Variants in PPM1H observed in about 807,000 individuals in gnomAD.
PPM1H encodes the protein protein phosphatase, Mg2+/Mn2+ dependent 1H, also known as protein phosphatase 1H.
A neutral mutation model predicts 54.9 loss-of-function variants in PPM1H; 27 were observed. The observed-to-expected ratio is 0.49, with a 90% CI of 0.36 to 0.68. The LOEUF (loss-of-function observed/expected upper bound fraction) is 0.68. Among genes scored for constraint, PPM1H ranks in the 30% least tolerant of loss-of-function variants. The probability of loss-of-function intolerance (pLI) is 0.00; values close to 1 mark genes in which losing one functional copy is unlikely to be tolerated. For missense variants in PPM1H, 596 were observed against 667.8 expected (o/e 0.89, Z 1.19); for synonymous variants, 305 against 270.8 (o/e 1.13, Z -1.24).
chr12:62,727,423 A>G (rs2076295914), intron 5 of PPM1H, among the ~76,000 whole-genome samples: 1 of 152,112 alleles, frequency 6.6e-6, no homozygotes, highest in Non-Finnish European at 1.5e-5. Flanking sequence ...TATAAAAACC[A>G]TCTTGGACCC....
At chr12:62,663,526 C>T (rs1336051533) in intron 9 of PPM1H, among the ~76,000 whole-genome samples, 1 of 152,038 alleles carries the variant, frequency 6.6e-6, no homozygotes, top group African/African-American at 2.4e-5. Context: ...GCTGCTGATG[C>T]CATGTAGCTC....
chr12:62,726,684 G>A (rs985507442), intron 5 of PPM1H, among the ~76,000 whole-genome samples: 2 of 152,178 alleles, frequency 1.3e-5, no homozygotes, highest in African/African-American at 4.8e-5. Context: ...ACGCAGAGTG[G>A]CCAAACAACT....
chr12:62,839,884 A>AACAAACAAAAAAC (rs1555200472), intron 1 of PPM1H, among the ~76,000 whole-genome samples: 2 of 150,170 alleles, frequency 1.3e-5, no homozygotes, highest in African/African-American at 5.0e-5. Flanking sequence ...CAAAAAAAAA[A>AACAAACAAAAAAC]AAAAAACACC....
chr12:62,923,637 G>A (rs888585927), intron 1 of PPM1H, among the ~76,000 whole-genome samples: 4 of 152,170 alleles, frequency 2.6e-5, no homozygotes, highest in Admixed American at 1.3e-4. Flanking sequence ...CCTGACCTCA[G>A]GTGATTCGCC....
Position 62,934,559 on chromosome 12 carries a change from G to A in PPM1H, c.178C>T (p.His60Tyr). The A allele has an allele frequency of 6.4e-7, 1 of 1,553,708 alleles. No homozygotes were observed. Among genetic ancestry groups the A allele is most frequent in the Admixed American group, 1.9e-5 (1 of 51,298 alleles). The change falls in exon 1 of 10, where the codon CAC becomes TAC. Residue 60 changes from histidine to tyrosine, a missense_variant. Around this residue, in one of 3 missense-constraint regions of PPM1H, gnomAD observed 382 missense variants for 387.1 expected, o/e 0.99. Coordinates refer to ENST00000228705, the MANE Select transcript of PPM1H (RefSeq NM_020700.2). The surrounding 1 kb of genome is among the most constrained non-coding windows in gnomAD (Gnocchi z 4.2). ...SQDEVECSAD[H>Y]IARPILILKE... ...AGGATGAGGATGGGGCGGGCGATGT[G>A]GTCGGCGCTGCACTCCACCTCGTCC...
chr12:62,656,864 G>A (rs2075847213), intron 9 of PPM1H, among the ~76,000 whole-genome samples: 1 of 152,020 alleles, frequency 6.6e-6, no homozygotes, highest in Non-Finnish European at 1.5e-5. Context: ...GAGGGTCAGG[G>A]GTGGCTTAGA....
chr12:62,877,730 T>C (rs1565817191), intron 1 of PPM1H, among the ~76,000 whole-genome samples: 1 of 152,180 alleles, frequency 6.6e-6, no homozygotes, highest in Non-Finnish European at 1.5e-5. Context: ...GGTGAATGAA[T>C]GATTCACATC....
At chr12:62,871,293 A>G (rs1358866749) in intron 1 of PPM1H, among the ~76,000 whole-genome samples, 2 of 151,978 alleles carry the variant, frequency 1.3e-5, no homozygotes, top group African/African-American at 2.4e-5. Context: ...GACAAAAAAA[A>G]CGATGTTATA....
At chr12:62,671,326 G>A (rs935308875) in intron 8 of PPM1H, among the ~76,000 whole-genome samples, 2 of 151,974 alleles carry the variant, frequency 1.3e-5, no homozygotes, top group Admixed American at 6.6e-5. Flanking sequence ...GCTCCTTCCC[G>A]GGTTCCCATC....
At chr12:62,775,939 A>T (rs1335512686) in intron 4 of PPM1H, among the ~76,000 whole-genome samples, 1 of 152,214 alleles carries the variant, frequency 6.6e-6, no homozygotes, top group Non-Finnish European at 1.5e-5. Flanking sequence ...ACAGTTCCAC[A>T]TGGCTGGGGA....
At chr12:62,675,661 T>C (rs772097528) in intron 8 of PPM1H, among the ~76,000 whole-genome samples, 1 of 152,210 alleles carries the variant, frequency 6.6e-6, no homozygotes, top group Non-Finnish European at 1.5e-5. Context: ...TAATTATTAA[T>C]AGTGTCCCCT....
At chr12:62,900,113 T>C (rs1339703053) in intron 1 of PPM1H, among the ~76,000 whole-genome samples, 2 of 152,216 alleles carry the variant, frequency 1.3e-5, no homozygotes, top group Non-Finnish European at 2.9e-5. Flanking sequence ...GATATTTTGT[T>C]ATACCAGCTC....
chr12:62,693,246 G>A (rs1269687233), intron 7 of PPM1H, among the ~76,000 whole-genome samples: 1 of 152,172 alleles, frequency 6.6e-6, no homozygotes. Context: ...GACCACTTTA[G>A]GATCCACAGC....
chr12:62,851,820 T>C (rs1869198623), intron 1 of PPM1H, among the ~76,000 whole-genome samples: 7 of 152,198 alleles, frequency 4.6e-5, no homozygotes, highest in Non-Finnish European at 2.9e-5. Context: ...CTGACCTATC[T>C]TGCTGAGAAA....
intron 2 of PPM1H, among the ~76,000 whole-genome samples, chr12:62,813,331 A>C (rs1287446115): frequency 6.6e-6 from 1 of 152,222 alleles, no homozygotes; most frequent in Non-Finnish European, 1.5e-5. Flanking sequence ...CACACGAAGC[A>C]CATGAATGTG....
intron 4 of PPM1H, among the ~76,000 whole-genome samples, chr12:62,757,378 C>T (rs1205369910): frequency 1.3e-5 from 2 of 152,138 alleles, no homozygotes; most frequent in Non-Finnish European, 1.5e-5. Flanking sequence ...AATATTTATA[C>T]CATGGCCTAG....
intron 1 of PPM1H, among the ~76,000 whole-genome samples, chr12:62,893,896 G>A (rs1397814817): frequency 2.0e-5 from 3 of 152,170 alleles, no homozygotes; most frequent in Non-Finnish European, 4.4e-5. Context: ...ACACAATTCA[G>A]CCTTTAACAC....
chr12:62,667,384 C>A, intron 8 of PPM1H, 55 bp from the exon 9 acceptor site: 1 of 1,405,480 alleles, frequency 7.1e-7, no homozygotes, highest in South Asian at 1.4e-5. Context: ...ATTATTCTCC[C>A]TAACAAACTG....
intron 9 of PPM1H, among the ~76,000 whole-genome samples, chr12:62,650,867 G>A (rs1422338881): frequency 1.3e-5 from 2 of 152,244 alleles, no homozygotes; most frequent in South Asian, 2.1e-4. Context: ...GACATGTAGG[G>A]ATTACAATTC....
Sources: allele counts gnomAD v4.1 joint callset (sites outside exome capture counted in the v4.1 genomes callset), GRCh38; gene constraint gnomAD v4.1.1; regional missense constraint gnomAD v4.1.1; non-coding constraint Gnocchi (gnomAD v3.1); transcripts MANE v1.5; gene names NCBI Gene and HGNC (gene_info 2026-07-23, HGNC 2026-07-21).